Variants in RBFOX1 observed in about 807,000 individuals in gnomAD.
RBFOX1 encodes RNA binding protein fox-1 homolog 1.
RBFOX1 carries 8 observed loss-of-function variants against 57.7 expected under a neutral mutation model. The ratio of observed to expected loss-of-function variants is 0.14; its 90% confidence interval spans 0.08 to 0.25. The LOEUF is 0.25. Ranked by LOEUF, RBFOX1 falls within the 10% of genes least tolerant of loss-of-function variation. The pLI, the probability that RBFOX1 is intolerant of heterozygous loss-of-function variation, is 1.00. For missense variants in RBFOX1, 611 were observed against 548.5 expected, an observed-to-expected ratio of 1.11 and a Z score of -1.14; for synonymous variants, 326 against 222.4, an observed-to-expected ratio of 1.47 and a Z score of -4.15.
chr16:6,496,986 C>T (rs1441039585), intron 2 of RBFOX1, among the ~76,000 whole-genome samples: 1 of 152,076 alleles, frequency 6.6e-6, no homozygotes, highest in East Asian at 1.9e-4. Context: ...AAAGAAAATG[C>T]ACTAAGTATA....
At chr16:7,690,156 C>A (rs1029121201) in intron 14 of RBFOX1, among the ~76,000 whole-genome samples, 2 of 152,050 alleles carry the variant, frequency 1.3e-5, no homozygotes, top group Non-Finnish European at 2.9e-5. Context: ...GAGCATTTTC[C>A]GAACTACTTT....
At chr16:5,856,209 ATATATATGTATATATATATG>A (rs2057040540) in intron 3 of RBFOX1, among the ~76,000 whole-genome samples, 2 of 33,758 alleles carry the variant, frequency 5.9e-5, no homozygotes, top group African/African-American at 1.8e-4. Context: ...ATATATATAC[ATATATATGTATATATATATG>A]TATATATATG....
chr16:6,662,484 C>A (rs2098707748), intron 3 of RBFOX1, among the ~76,000 whole-genome samples: 1 of 151,872 alleles, frequency 6.6e-6, no homozygotes, highest in South Asian at 2.1e-4. Context: ...TCCTGCAGGC[C>A]GGTATTGTAC....
At chr16:7,584,475 TAG>T (rs2093987331) in intron 6 of RBFOX1, among the ~76,000 whole-genome samples, 1 of 152,098 alleles carries the variant, frequency 6.6e-6, no homozygotes, top group South Asian at 2.1e-4. Context: ...ACATTTTTAG[TAG>T]AGACAGGGTT....
intron 1 of RBFOX1, among the ~76,000 whole-genome samples, chr16:6,166,303 C>T (rs917865287): frequency 6.6e-6 from 1 of 150,584 alleles, no homozygotes; most frequent in African/African-American, 2.4e-5. Flanking sequence ...GTCCAAATGA[C>T]GGGGACCAAG....
intron 4 of RBFOX1, among the ~76,000 whole-genome samples, chr16:5,999,958 G>A (rs986140648): frequency 3.1e-4 from 46 of 150,420 alleles, no homozygotes; most frequent in African/African-American, 1.1e-3. Flanking sequence ...TATATAAGGT[G>A]GTATGTTACT....
intron 3 of RBFOX1, among the ~76,000 whole-genome samples, chr16:5,832,728 A>G (rs1368963199): frequency 1.3e-5 from 2 of 152,244 alleles, no homozygotes; most frequent in East Asian, 3.9e-4. Flanking sequence ...TGGAATTAAC[A>G]GAAATTTAAA....
chr16:6,137,525 C>T (rs764191034), intron 1 of RBFOX1, among the ~76,000 whole-genome samples: 1 of 151,542 alleles, frequency 6.6e-6, no homozygotes, highest in African/African-American at 2.4e-5. Context: ...AGGCTGGTCT[C>T]GAGCTCCTGA....
At chr16:7,660,697 G>A (rs905657044) in intron 12 of RBFOX1, among the ~76,000 whole-genome samples, 6 of 152,172 alleles carry the variant, frequency 3.9e-5, no homozygotes, top group African/African-American at 1.2e-4. Flanking sequence ...AATAGCATCC[G>A]CATCATCTGT....
At chr16:6,564,511 T>C (rs1193029782) in intron 2 of RBFOX1, among the ~76,000 whole-genome samples, 2 of 151,862 alleles carry the variant, frequency 1.3e-5, no homozygotes, top group Non-Finnish European at 2.9e-5. Flanking sequence ...TGGGTAAACC[T>C]GGGGGACACC....
At chr16:7,093,846 G>C (rs1599292143) in intron 4 of RBFOX1, among the ~76,000 whole-genome samples, 1 of 151,968 alleles carries the variant, frequency 6.6e-6, no homozygotes, top group Admixed American at 6.6e-5. Context: ...GTATCATAAA[G>C]CCACATCCAT....
At chr16:7,701,276 C>G (rs1022592721) in intron 14 of RBFOX1, among the ~76,000 whole-genome samples, 2 of 149,424 alleles carry the variant, frequency 1.3e-5, no homozygotes, top group African/African-American at 5.1e-5. Context: ...GTCAGGGGTC[C>G]CCAACTGGAC....
At chr16:5,997,816 A>G (rs1329449236) in intron 4 of RBFOX1, among the ~76,000 whole-genome samples, 1 of 152,154 alleles carries the variant, frequency 6.6e-6, no homozygotes, top group African/African-American at 2.4e-5. Flanking sequence ...CTTGGTTCTC[A>G]TGTAGTTTAA....
chr16:5,357,975 AGAG>A (rs2065439604), intron 1 of RBFOX1, among the ~76,000 whole-genome samples: 1 of 152,216 alleles, frequency 6.6e-6, no homozygotes, highest in Non-Finnish European at 1.5e-5. Flanking sequence ...TTAGTTTCCT[AGAG>A]CTGCTGTAGC....
intron 4 of RBFOX1, among the ~76,000 whole-genome samples, chr16:7,513,142 A>C (rs2075561448): frequency 6.6e-6 from 1 of 152,116 alleles, no homozygotes; most frequent in Admixed American, 6.5e-5. Flanking sequence ...GGGTGCCTGT[A>C]ATCCTAGCTA....
intron 3 of RBFOX1, among the ~76,000 whole-genome samples, chr16:5,743,498 T>TAGTC (rs544437614): frequency 5.9e-5 from 9 of 152,318 alleles, no homozygotes; most frequent in Admixed American, 5.9e-4. Context: ...TGGCTACATG[T>TAGTC]AGTCACTCAG....
At chr16:6,105,183 G>T (rs1285439175) in intron 1 of RBFOX1, among the ~76,000 whole-genome samples, 1 of 152,090 alleles carries the variant, frequency 6.6e-6, no homozygotes, top group Non-Finnish European at 1.5e-5. Flanking sequence ...AGCCCATGTG[G>T]GACCACCCTC....
intron 4 of RBFOX1, among the ~76,000 whole-genome samples, chr16:7,347,085 C>G (rs1336345051): frequency 2.0e-5 from 3 of 152,118 alleles, no homozygotes; most frequent in Non-Finnish European, 4.4e-5. Context: ...ATTTTGCAGG[C>G]AAGTGGTTCT....
intron 3 of RBFOX1, among the ~76,000 whole-genome samples, chr16:6,941,792 C>G (rs1005061790): frequency 6.6e-6 from 1 of 152,154 alleles, no homozygotes; most frequent in Non-Finnish European, 1.5e-5. Flanking sequence ...CATACTCACC[C>G]TATTGGAGGA....
Sources: gnomAD v4.1 joint callset for allele counts (sites outside exome capture counted in the v4.1 genomes callset) on GRCh38, gnomAD v4.1.1 for gene constraint, MANE v1.5 for transcripts, NCBI Gene and HGNC (gene_info 2026-07-23, HGNC 2026-07-21) for gene names.